PCNX2: variants seen among roughly 807,000 people sequenced by gnomAD.
PCNX2 encodes the protein pecanex-like protein 2.
A neutral mutation model predicts 223.8 loss-of-function variants in PCNX2; 168 were observed. The ratio of observed to expected loss-of-function variants is 0.75; its 90% CI spans 0.66 to 0.85. The LOEUF (loss-of-function observed/expected upper bound fraction) is 0.85, where lower values mean the gene tolerates loss of function less well. Ranked by LOEUF, PCNX2 falls within the 40% of genes least tolerant of loss-of-function variation. The pLI, the probability that PCNX2 is intolerant of heterozygous loss-of-function variation, is 0.00. For missense variants in PCNX2, 2,507 were observed against 2,675.5 expected (o/e 0.94, Z 1.39); for synonymous variants, 1,006 against 1,052.6 (o/e 0.96, Z 0.86).
At chr1:233,163,623 C>T (rs1678627190) in intron 17 of PCNX2, among the ~76,000 whole-genome samples, 1 of 150,936 alleles carries the variant, frequency 6.6e-6, no homozygotes, top group Non-Finnish European at 1.5e-5. Context: ...CCCATAAAAC[C>T]ATAACCAGAA....
chr1:233,116,582 A>G (rs1675421812), intron 21 of PCNX2, among the ~76,000 whole-genome samples: 1 of 152,192 alleles, frequency 6.6e-6, no homozygotes, highest in Non-Finnish European at 1.5e-5. Flanking sequence ...TAAGGGGAAT[A>G]AGAAAAATAC....
rs55865610 is a variant in PCNX2 at position 233,130,465 on chromosome 1, TTGTGTGTG to T, written c.3837+4540_3837+4547del. 4.7e-4 allele frequency among the ~76,000 whole-genome samples: 64 copies of T among 136,470 alleles called. 1 individual carries two copies. Among genetic ancestry groups the T allele is most frequent in the Admixed American group, 1.0e-3 (14 of 13,586 alleles). The allele number at this position is 136,470 out of a possible 152,430, so 89.5% of individuals were successfully genotyped here. A position where few individuals can be genotyped will look rare whatever the true frequency, so the allele number is the denominator to read the frequency against. On this transcript the variant is annotated intron_variant, in intron 21 of 33. Coordinates refer to ENST00000258229, the MANE Select transcript of PCNX2 (RefSeq NM_014801.4). ...ACTCAATATTTCTGCCCCCCAACTTTTGTGTGTGTGTGTGTGTGTGTGTGTGTGTGTGT... is the reference window on the plus strand; with the variant it reads ...ACTCAATATTTCTGCCCCCCAACTTTTGTGTGTGTGTGTGTGTGTGTGTGT...
intron 1 of PCNX2, chr1:233,291,817 C>A: frequency 1.0e-6 from 1 of 984,486 alleles, no homozygotes; most frequent in Non-Finnish European, 1.2e-6. Flanking sequence ...TCAAGACTAA[C>A]CATCTTTCAG....
In PCNX2 at chr1:233,000,639, T is replaced by G; in HGVS notation, c.5098-104A>C. On this transcript the variant is annotated intron_variant, in intron 29 of 33. Coordinates refer to ENST00000258229, the MANE Select transcript of PCNX2 (RefSeq NM_014801.4). The surrounding 1 kb of genome is among the most constrained non-coding windows in gnomAD (Gnocchi z 4.6). ...GCCAGTGACCTCCAAAGCTAAGCTCTTTCCTCATCTTCCTCTCTCCTGTTC... is the reference window on the plus strand; with the variant it reads ...GCCAGTGACCTCCAAAGCTAAGCTCGTTCCTCATCTTCCTCTCTCCTGTTC... 1.2e-6 allele frequency: 1 copy of G among 846,126 alleles called. No individual in the cohort carries two copies. The highest frequency in any genetic ancestry group is 1.8e-6 in the Non-Finnish European group (1 of 541,916). 52.4% of individuals were successfully genotyped at this position (846,126 alleles called of 1,614,324 possible). A position where few individuals can be genotyped will look rare whatever the true frequency, so the allele number is the denominator to read the frequency against.
At chr1:233,226,815 G>A (rs1657754500) in intron 10 of PCNX2, among the ~76,000 whole-genome samples, 1 of 152,066 alleles carries the variant, frequency 6.6e-6, no homozygotes, top group African/African-American at 2.4e-5. Flanking sequence ...CTCTCCCCAT[G>A]CCCACACCCA....
chr1:233,190,974 A>C (rs1221660087), intron 15 of PCNX2, among the ~76,000 whole-genome samples: 3 of 152,218 alleles, frequency 2.0e-5, no homozygotes. Context: ...TCAATTAGCA[A>C]TGTCTGACAT....
intron 15 of PCNX2, among the ~76,000 whole-genome samples, chr1:233,193,284 C>G (rs2102882217): frequency 6.6e-6 from 1 of 151,596 alleles, no homozygotes; most frequent in South Asian, 2.1e-4. Flanking sequence ...TGAAAGACAG[C>G]CAAAAGTTAA....
intron 26 of PCNX2, among the ~76,000 whole-genome samples, chr1:233,019,741 G>GGATGGCATT (rs1327740521): frequency 9.4e-5 from 14 of 148,852 alleles, no homozygotes; most frequent in African/African-American, 3.2e-4. Flanking sequence ...TAGGGGACAG[G>GGATGGCATT]AGAACCGTTG....
chr1:233,058,311 C>G (rs1394047833), intron 23 of PCNX2: 1 of 152,494 alleles, frequency 6.6e-6, no homozygotes, highest in Non-Finnish European at 1.5e-5. Context: ...GAACTCCACA[C>G]ATCCCCAAAA....
At chr1:233,114,732 T>G (rs1360402408) in intron 21 of PCNX2, among the ~76,000 whole-genome samples, 1 of 152,136 alleles carries the variant, frequency 6.6e-6, no homozygotes, top group Non-Finnish European at 1.5e-5. Flanking sequence ...CAATGCAGAT[T>G]AGCTTCTGTG....
chr1:233,151,073 A>C (rs1046853595), intron 19 of PCNX2, among the ~76,000 whole-genome samples: 1 of 152,176 alleles, frequency 6.6e-6, no homozygotes, highest in Non-Finnish European at 1.5e-5. Flanking sequence ...CAACGTGCTT[A>C]CTTTTGCATC....
At chr1:233,058,854 G>A (rs916582750) in intron 23 of PCNX2, among the ~76,000 whole-genome samples, 3 of 151,810 alleles carry the variant, frequency 2.0e-5, no homozygotes, top group Non-Finnish European at 2.9e-5. Context: ...TAGTAGAGAC[G>A]GGGTTTTACC....
chr1:233,271,051 T>C (rs766251449), intron 1 of PCNX2, among the ~76,000 whole-genome samples: 1 of 152,242 alleles, frequency 6.6e-6, no homozygotes, highest in Non-Finnish European at 1.5e-5. Context: ...GTTGTCGTTT[T>C]CATTTTAAAT....
At chr1:233,078,443 G>A (rs1255298637) in intron 23 of PCNX2, among the ~76,000 whole-genome samples, 1 of 152,220 alleles carries the variant, frequency 6.6e-6, no homozygotes, top group Non-Finnish European at 1.5e-5. Context: ...CATATGTCCT[G>A]CCTTTCTTTG....
At chr1:233,068,076 G>C (rs964659024) in intron 23 of PCNX2, among the ~76,000 whole-genome samples, 4 of 150,570 alleles carry the variant, frequency 2.7e-5, no homozygotes, top group African/African-American at 1.0e-4. Context: ...CAACAAGAAA[G>C]AAACACCTTA....
intron 19 of PCNX2, among the ~76,000 whole-genome samples, chr1:233,158,942 T>A (rs1678296345): frequency 1.3e-5 from 2 of 152,200 alleles, no homozygotes; most frequent in African/African-American, 4.8e-5. Flanking sequence ...CCTCTACAAG[T>A]GGACTAAAAT....
At chr1:233,274,940 AC>A (rs1660832721) in intron 1 of PCNX2, among the ~76,000 whole-genome samples, 1 of 152,212 alleles carries the variant, frequency 6.6e-6, no homozygotes, top group Non-Finnish European at 1.5e-5. Context: ...ACAGATGGAG[AC>A]AGAAGTAGAA....
intron 22 of PCNX2, among the ~76,000 whole-genome samples, chr1:233,091,620 C>A (rs913343327): frequency 1.3e-5 from 2 of 151,764 alleles, no homozygotes; most frequent in Non-Finnish European, 2.9e-5. Context: ...GCAGTCCCAG[C>A]CACACAGGAG....
intron 21 of PCNX2, among the ~76,000 whole-genome samples, chr1:233,113,646 C>T (rs1432255113): frequency 6.6e-6 from 1 of 152,188 alleles, no homozygotes. Context: ...GAGGCATTTC[C>T]GGTCTTCCTG....
Sources: allele counts gnomAD v4.1 joint callset (sites outside exome capture counted in the v4.1 genomes callset), GRCh38; gene constraint gnomAD v4.1.1; non-coding constraint Gnocchi (gnomAD v3.1); transcripts MANE v1.5; gene names NCBI Gene and HGNC (gene_info 2026-07-23, HGNC 2026-07-21).